NBDY: variants seen among roughly 807,000 people sequenced by gnomAD.
The protein encoded by NBDY is P-body dissociating protein.
chrX:56,757,558 C>T (rs186580979), intron 2 of NBDY, among the ~76,000 whole-genome samples: 1 of 111,864 alleles, frequency 8.9e-6, no homozygotes, highest in East Asian at 2.8e-4. Flanking sequence ...GTACACCCTT[C>T]TCACTTCAGC....
intron 2 of NBDY, among the ~76,000 whole-genome samples, chrX:56,749,972 C>A (rs1047546368): frequency 2.7e-5 from 3 of 111,585 alleles, no homozygotes; most frequent in African/African-American, 9.8e-5. Context: ...TCTTAAAATA[C>A]ATTATATTTT....
chrX:56,766,084 A>G (rs770085974), intron 2 of NBDY, among the ~76,000 whole-genome samples: 1 of 111,817 alleles, frequency 8.9e-6, no homozygotes, highest in South Asian at 3.8e-4. Context: ...GTCATGGTGA[A>G]CGCACCCTTT....
At chrX:56,755,047 C>G (rs943314538) in intron 2 of NBDY, among the ~76,000 whole-genome samples, 1 of 111,482 alleles carries the variant, frequency 9.0e-6, no homozygotes, top group Admixed American at 9.5e-5. Flanking sequence ...GGAAACAATT[C>G]CCTATTTAAT....
intron 2 of NBDY, among the ~76,000 whole-genome samples, chrX:56,794,323 A>C (rs2069780694): frequency 8.9e-6 from 1 of 111,994 alleles, no homozygotes; most frequent in African/African-American, 3.2e-5. Context: ...CTGCGACTCC[A>C]CAAATGGCAG....
chrX:56,789,387 A>G (rs1428121261), intron 2 of NBDY, among the ~76,000 whole-genome samples: 1 of 111,963 alleles, frequency 8.9e-6, no homozygotes, highest in East Asian at 2.8e-4. Flanking sequence ...GATGGGGTAC[A>G]GGAGAGGGAT....
intron 2 of NBDY, among the ~76,000 whole-genome samples, chrX:56,799,048 G>C (rs1208808784): frequency 8.9e-6 from 1 of 111,922 alleles, no homozygotes; most frequent in Admixed American, 9.3e-5. Context: ...AGGAACGCTC[G>C]GGAGTGCCAG....
At chrX:56,813,106 G>T (rs773984159) in intron 2 of NBDY, among the ~76,000 whole-genome samples, 2 of 111,136 alleles carry the variant, frequency 1.8e-5, no homozygotes, top group South Asian at 3.9e-4. Context: ...GTTAATGGGT[G>T]CAGAACACCA....
intron 2 of NBDY, among the ~76,000 whole-genome samples, chrX:56,792,399 A>C (rs2069769541): frequency 9.0e-6 from 1 of 111,061 alleles, no homozygotes; most frequent in Non-Finnish European, 1.9e-5. Context: ...TCTGGATATC[A>C]GGGTGTGCAG....
chrX:56,813,562 A>G (rs2069897268), intron 2 of NBDY, among the ~76,000 whole-genome samples: 1 of 111,527 alleles, frequency 9.0e-6, no homozygotes, highest in Non-Finnish European at 1.9e-5. Flanking sequence ...AAGAAACTTG[A>G]CACGGGCACA....
At chrX:56,782,265 T>TGTC (rs1556004967) in intron 2 of NBDY, among the ~76,000 whole-genome samples, 1 of 108,777 alleles carries the variant, frequency 9.2e-6, no homozygotes, top group African/African-American at 3.4e-5. Flanking sequence ...TAATTCCTCT[T>TGTC]CTCTTTTTTG....
At chrX:56,812,834 C>T (rs748697443) in intron 2 of NBDY, among the ~76,000 whole-genome samples, 5 of 111,432 alleles carry the variant, frequency 4.5e-5, no homozygotes, top group African/African-American at 1.6e-4. Context: ...CTTTCACTTT[C>T]AGCTCTCTGC....
intron 2 of NBDY, among the ~76,000 whole-genome samples, chrX:56,795,491 A>G (rs776891942): frequency 7.1e-5 from 8 of 112,315 alleles, no homozygotes; most frequent in Admixed American, 4.7e-4. Context: ...TTGGAACACA[A>G]TGCTCTCTGA....
intron 2 of NBDY, among the ~76,000 whole-genome samples, chrX:56,784,060 G>T: frequency 9.0e-6 from 1 of 111,608 alleles, no homozygotes; most frequent in East Asian, 2.8e-4. Context: ...GTGGGGGTAG[G>T]TCGCACTGGG....
intron 1 of NBDY, among the ~76,000 whole-genome samples, chrX:56,729,995 T>A (rs2069448872): frequency 2.0e-5 from 2 of 101,993 alleles, no homozygotes; most frequent in African/African-American, 7.1e-5. Context: ...ATTTTTTTGT[T>A]AAAAAAAAAA....
chrX:56,797,341 T>G (rs1382672650), intron 2 of NBDY, among the ~76,000 whole-genome samples: 3 of 110,060 alleles, frequency 2.7e-5, no homozygotes, highest in African/African-American at 9.9e-5. Context: ...TTGTTCTTCT[T>G]TCTTTCCTTT....
chrX:56,740,253 G>A (rs2069525230), intron 2 of NBDY, among the ~76,000 whole-genome samples: 1 of 111,589 alleles, frequency 9.0e-6, no homozygotes, highest in Non-Finnish European at 1.9e-5. Context: ...CTTTTATGGA[G>A]ACAGTATTTA....
At chrX:56,811,297 C>T (rs2069885051) in intron 2 of NBDY, 1 of 112,122 alleles carries the variant, frequency 8.9e-6, no homozygotes, top group Non-Finnish European at 1.9e-5. Context: ...GGGAGATCTG[C>T]TGCTCTATTC....
Position 56,737,461 on chromosome X carries a change from A to G in NBDY, c.*166+5262A>G, listed in dbSNP as rs879225230. ...TGGCTTCTTTTATGTCTTCATCCTC[A>G]TATATTGTATCATCTCTCATTAACC... On this transcript the variant is annotated intron_variant, in intron 2 of 2. Coordinates refer to ENST00000374922, the MANE Select transcript of NBDY (RefSeq NM_001348129.2). 164 of 706,855 alleles carry G rather than the reference A, an allele frequency of 2.3e-4. 1 individual carries two copies. The Middle Eastern group carries it at 5.2e-3, about 23-fold the overall frequency. The allele number at this position is 706,855 out of a possible 1,213,427, so 58.3% of individuals were successfully genotyped here.
intron 2 of NBDY, among the ~76,000 whole-genome samples, chrX:56,795,886 T>C (rs1443609006): frequency 8.9e-6 from 1 of 112,561 alleles, no homozygotes; most frequent in Admixed American, 9.3e-5. Context: ...ATTGTGACTC[T>C]GAGTTTCAGA....
Sources: gnomAD v4.1 joint callset for allele counts (sites outside exome capture counted in the v4.1 genomes callset) on GRCh38, gnomAD v4.1.1 for gene constraint, MANE v1.5 for transcripts, NCBI Gene and HGNC (gene_info 2026-07-23, HGNC 2026-07-21) for gene names.